SPTLC1: variants seen among roughly 807,000 people sequenced by gnomAD.
SPTLC1 encodes the protein serine palmitoyltransferase 1.
SPTLC1 carries 55 observed loss-of-function variants against 68.9 expected under a neutral mutation model. The observed-to-expected ratio is 0.80, with a 90% CI of 0.64 to 1.00. The LOEUF (loss-of-function observed/expected upper bound fraction) is 1.00, where lower values mean the gene tolerates loss of function less well. Ranked by LOEUF, SPTLC1 falls within the 50% of genes least tolerant of loss-of-function variation. The probability of loss-of-function intolerance (pLI) is 0.00; values close to 1 mark genes in which losing one functional copy is unlikely to be tolerated. For missense variants in SPTLC1, 449 were observed against 573.1 expected, an observed-to-expected ratio of 0.78 and a Z score of 2.21; for synonymous variants, 197 against 201.6, an observed-to-expected ratio of 0.98 and a Z score of 0.19.
At chr9:92,057,853 T>C (rs1041598292) in intron 7 of SPTLC1, among the ~76,000 whole-genome samples, 4 of 152,178 alleles carry the variant, frequency 2.6e-5, no homozygotes, top group African/African-American at 9.6e-5. Flanking sequence ...GTAAAAATTA[T>C]AAAGTAGAAA....
At chr9:92,105,490 G>A in intron 3 of SPTLC1, 1 of 789,688 alleles carries the variant, frequency 1.3e-6, no homozygotes, top group Non-Finnish European at 2.0e-6. Context: ...GGATCAGGAG[G>A]TCAAGAGATT....
chr9:92,073,650 C>T (rs1834575820), intron 5 of SPTLC1, among the ~76,000 whole-genome samples: 1 of 152,190 alleles, frequency 6.6e-6, no homozygotes, highest in Non-Finnish European at 1.5e-5. Context: ...ATTACCCAGT[C>T]AGCTCCTAAT....
Position 92,080,925 on chromosome 9 carries a change from C to T in SPTLC1, c.299G>A (p.Cys100Tyr), listed in dbSNP as rs1331374185. The T allele has an allele frequency of 6.2e-7, 1 of 1,614,146 alleles. No homozygotes were observed. The highest frequency in any genetic ancestry group is 1.7e-5 in the Admixed American group (1 of 60,022). ...SHKTVVNGKE[C>Y]INFASFNFLG... ...AAAATTAAATGAGGCGAAGTTTATA[C>T]ATTCTTTTCCATTCACCACAGTTTT... Residue 100 changes from cysteine (C) to tyrosine (Y), a missense_variant, in exon 4 of 15, where the codon TGT becomes TAT. Transcript: ENST00000262554.
intron 5 of SPTLC1, among the ~76,000 whole-genome samples, chr9:92,075,792 A>G (rs539708377): frequency 3.3e-4 from 50 of 152,202 alleles, no homozygotes; most frequent in African/African-American, 1.2e-3. Flanking sequence ...TTTATTGAAA[A>G]TCTCATGGGG....
intron 5 of SPTLC1, among the ~76,000 whole-genome samples, chr9:92,072,652 C>T (rs986792513): frequency 2.0e-5 from 3 of 152,236 alleles, no homozygotes; most frequent in East Asian, 1.9e-4. Context: ...AAAGCCTAAA[C>T]GTCTAATTTT....
At chr9:92,044,406 C>T (rs1177760990) in intron 12 of SPTLC1, among the ~76,000 whole-genome samples, 2 of 152,124 alleles carry the variant, frequency 1.3e-5, no homozygotes, top group East Asian at 3.9e-4. Context: ...ATGGGGACAT[C>T]AAGAAGATGA....
At chr9:92,092,077 CTCAT>C (rs1835382324) in intron 3 of SPTLC1, among the ~76,000 whole-genome samples, 1 of 152,148 alleles carries the variant, frequency 6.6e-6, no homozygotes, top group African/African-American at 2.4e-5. Flanking sequence ...CTCTTTCTTT[CTCAT>C]TCATTTACAT....
intron 6 of SPTLC1, among the ~76,000 whole-genome samples, chr9:92,064,238 A>G (rs563636876): frequency 7.2e-5 from 11 of 152,242 alleles, no homozygotes; most frequent in Admixed American, 3.9e-4. Context: ...GTATTTGCAA[A>G]CCACATATCT....
At position 92,047,273 on chromosome 9, in the gene SPTLC1, G is replaced by A. The variant is rs114380004; in HGVS notation, c.985-5C>T. 4.0e-4 allele frequency: 644 copies of A among 1,612,192 alleles called. 2 individuals are homozygous for A. In the African/African-American group the frequency reaches 7.3e-3, roughly 18 times the overall value. On this transcript the variant is annotated splice_region_variant and splice_polypyrimidine_tract_variant and intron_variant, in intron 10 of 14. Transcript: ENST00000262554. ...GTATCCCTGGCCGGAAAGTCGCTGA[G>A]AAGAAACAAATGAAGACATATACAC...
intron 3 of SPTLC1, among the ~76,000 whole-genome samples, chr9:92,082,959 A>G (rs1477531453): frequency 2.6e-5 from 4 of 152,158 alleles, no homozygotes; most frequent in African/African-American, 7.2e-5. Flanking sequence ...GTATCTCATT[A>G]TGGTTTTGAT....
intron 3 of SPTLC1, among the ~76,000 whole-genome samples, chr9:92,085,875 C>G (rs1174287561): frequency 6.6e-6 from 1 of 151,772 alleles, no homozygotes; most frequent in Non-Finnish European, 1.5e-5. Flanking sequence ...GTGTGGGAGT[C>G]TAAGTCTCTT....
intron 12 of SPTLC1, among the ~76,000 whole-genome samples, chr9:92,041,161 G>A (rs183437489): frequency 1.3e-5 from 2 of 152,300 alleles, no homozygotes; most frequent in African/African-American, 4.8e-5. Context: ...AATGAAAACA[G>A]AGGCAAACCA....
chr9:92,061,600 A>G (rs1233130024), intron 6 of SPTLC1, among the ~76,000 whole-genome samples: 1 of 152,216 alleles, frequency 6.6e-6, no homozygotes, highest in African/African-American at 2.4e-5. Context: ...CAAATACACT[A>G]GGCTTTTTTT....
At position 92,049,964 on chromosome 9, in the gene SPTLC1, A is replaced by T; in HGVS notation, c.884T>A (p.Ile295Asn). Residue 295 changes from isoleucine (I) to asparagine (N), a missense_variant, in exon 9 of 15, where the codon ATC becomes AAC. Transcript: ENST00000262554. ...HGRGVTEHYGINIDDIDLISA... is the reference protein window; with the variant it reads ...HGRGVTEHYGNNIDDIDLISA... Reference sequence around the variant, plus strand: ...TCTTAAAAAAGGGGAACTTACATTGATTCCATAGTGTTCAGTGACTCCTCG... The same window carrying T: ...TCTTAAAAAAGGGGAACTTACATTGTTTCCATAGTGTTCAGTGACTCCTCG... The T allele has an allele frequency of 6.2e-7, 1 of 1,603,580 alleles. No homozygotes were observed. The highest frequency in any genetic ancestry group is 8.5e-7 in the Non-Finnish European group (1 of 1,170,340).
intron 8 of SPTLC1, among the ~76,000 whole-genome samples, chr9:92,054,295 AAC>A (rs1833807018): frequency 6.6e-6 from 1 of 152,186 alleles, no homozygotes. Flanking sequence ...CAAAAAACAA[AAC>A]ACAAAAAAAC....
In SPTLC1 at chr9:92,086,381, C is replaced by T. The variant is rs545313564; in HGVS notation, c.261-5418G>A. On this transcript the variant is annotated intron_variant, in intron 3 of 14. Transcript: ENST00000262554. ...GGCATGATTTTGCAGTGACTGGTAC[C>T]GGTTGTTCCTTTCCATGTTTAATGC... 3.0e-3 allele frequency among the ~76,000 whole-genome samples: 459 copies of T among 152,240 alleles called. 3 individuals are homozygous for T. Among genetic ancestry groups the T allele is most frequent in the African/African-American group, 0.01 (426 of 41,522 alleles).
chr9:92,091,148 G>A (rs1418450706), intron 3 of SPTLC1, among the ~76,000 whole-genome samples: 1 of 152,200 alleles, frequency 6.6e-6, no homozygotes, highest in African/African-American at 2.4e-5. Flanking sequence ...TTTATAAAGG[G>A]AGGTAAAATA....
intron 7 of SPTLC1, among the ~76,000 whole-genome samples, chr9:92,056,246 T>C (rs1247226920): frequency 6.6e-6 from 1 of 152,146 alleles, no homozygotes; most frequent in Non-Finnish European, 1.5e-5. Flanking sequence ...CTTTTCTTTT[T>C]TTTGAGATGG....
chr9:92,115,117 GC>G, intron 1 of SPTLC1, 196 bp downstream of exon 1: 2 of 560,908 alleles, frequency 3.6e-6, no homozygotes, highest in South Asian at 3.8e-5. Flanking sequence ...CTCAGTCCCA[GC>G]CCCCGCCCCC....
Sources: allele counts gnomAD v4.1 joint callset (sites outside exome capture counted in the v4.1 genomes callset), GRCh38; gene constraint gnomAD v4.1.1; transcripts MANE v1.5; gene names NCBI Gene and HGNC (gene_info 2026-07-23, HGNC 2026-07-21).